Variants in PDSS1 observed in about 807,000 individuals in gnomAD.
PDSS1 encodes the protein all trans-polyprenyl-diphosphate synthase PDSS1.
PDSS1 carries 43 observed loss-of-function variants against 57.5 expected under a neutral mutation model. That is an observed-to-expected ratio of 0.75 (90% CI 0.59 to 0.96). PDSS1 has a LOEUF of 0.96. PDSS1 is among the 50% of genes least tolerant of loss of function. The probability of loss-of-function intolerance (pLI) is 0.00; values close to 1 mark genes in which losing one functional copy is unlikely to be tolerated. For synonymous variants in PDSS1, 175 were observed against 191.3 expected, an observed-to-expected ratio of 0.91 and a Z score of 0.70; for missense variants, 438 against 527.8, an observed-to-expected ratio of 0.83 and a Z score of 1.67.
intron 8 of PDSS1, among the ~76,000 whole-genome samples, chr10:26,729,904 C>CTTTTTTT (rs71403886): frequency 2.7e-5 from 2 of 75,334 alleles, no homozygotes; most frequent in African/African-American, 5.3e-5. Flanking sequence ...TAGTTGGTTC[C>CTTTTTTT]TTTTTTTTTT....
chr10:26,698,168 T>C (rs986001638), intron 1 of PDSS1, among the ~76,000 whole-genome samples: 2 of 87,920 alleles, frequency 2.3e-5, no homozygotes, highest in Non-Finnish European at 5.7e-5. Context: ...CGCTGCTATA[T>C]GGACAAGGTT....
chr10:26,726,503 C>G (rs1363195075), intron 8 of PDSS1, among the ~76,000 whole-genome samples: 2 of 152,012 alleles, frequency 1.3e-5, no homozygotes, highest in Non-Finnish European at 2.9e-5. Flanking sequence ...AAATGCAAAG[C>G]CATGCGAGCT....
At position 26,727,053 on chromosome 10, in the gene PDSS1, G is replaced by C. The variant is rs188320189; in HGVS notation, c.831+2930G>C. ...TTCCAGCCTGGGCAATAGAGCGAGA[G>C]TCTCTCAAAAAAAAAACAAACAAAC... On this transcript the variant is annotated intron_variant, in intron 8 of 11. Transcript: ENST00000376215. Among the ~76,000 whole-genome samples, 332 of 102,978 alleles carry C rather than the reference G, an allele frequency of 3.2e-3. 1 individual carries two copies. Among genetic ancestry groups the C allele is most frequent in the African/African-American group, 0.012 (309 of 26,758 alleles). The allele number at this position is 102,978 out of a possible 152,430, so 67.6% of individuals were successfully genotyped here.
chr10:26,724,713 G>A (rs777972664), intron 8 of PDSS1, among the ~76,000 whole-genome samples: 1 of 152,046 alleles, frequency 6.6e-6, no homozygotes, highest in African/African-American at 2.4e-5. Context: ...TAGTAGCTGG[G>A]ACCACAGGTG....
At chr10:26,705,564 C>T (rs947231895) in intron 4 of PDSS1, among the ~76,000 whole-genome samples, 170 bp downstream of exon 4, 2 of 152,158 alleles carry the variant, frequency 1.3e-5, no homozygotes, top group Admixed American at 6.5e-5. Flanking sequence ...ACCCTTGCCT[C>T]CCAGGTTCAT....
chr10:26,715,647 T>G (rs1835547289), intron 5 of PDSS1: 1 of 151,954 alleles, frequency 6.6e-6, no homozygotes, highest in Non-Finnish European at 1.5e-5. Flanking sequence ...TCCGCCTGTC[T>G]CCCCCTCCCA....
At chr10:26,733,217 G>T (rs139502510) in intron 8 of PDSS1, among the ~76,000 whole-genome samples, 2 of 152,230 alleles carry the variant, frequency 1.3e-5, no homozygotes, top group East Asian at 3.9e-4. Flanking sequence ...TTATTTCTAC[G>T]TGGAAATATC....
intron 4 of PDSS1, 25 bp from the exon 5 acceptor site, chr10:26,709,613 G>C (rs1255829817): frequency 5.0e-6 from 8 of 1,610,944 alleles, no homozygotes; most frequent in Non-Finnish European, 6.8e-6. Context: ...TGATGCCATT[G>C]TGACACAGAG....
intron 11 of PDSS1, 86 bp downstream of exon 11, chr10:26,742,663 T>C (rs996736451): frequency 1.0e-4 from 79 of 779,254 alleles, no homozygotes; most frequent in Non-Finnish European, 1.5e-4. Flanking sequence ...TAACTAAACA[T>C]TAAATTATAG....
At chr10:26,709,039 T>C (rs1169004662) in intron 4 of PDSS1, among the ~76,000 whole-genome samples, 1 of 152,078 alleles carries the variant, frequency 6.6e-6, no homozygotes, top group African/African-American at 2.4e-5. Context: ...TAGTGCTTTC[T>C]TCCACCTCCT....
At chr10:26,706,153 C>T (rs1213008664) in intron 4 of PDSS1, among the ~76,000 whole-genome samples, 1 of 152,192 alleles carries the variant, frequency 6.6e-6, no homozygotes, top group East Asian at 1.9e-4. Flanking sequence ...CCTGTAATCC[C>T]ACCAATTTAG....
Position 26,704,083 on chromosome 10 carries a change from C to CAAAAAAAAA in PDSS1, c.163-583_163-575dup, listed in dbSNP as rs1203931422. 1.3e-3 allele frequency among the ~76,000 whole-genome samples: 41 copies of CAAAAAAAAA among 31,064 alleles called. 8 individuals are homozygous for CAAAAAAAAA. In the East Asian group the frequency reaches 0.022, roughly 17 times the overall value. The allele number at this position is 31,064 out of a possible 152,430, so 20.4% of individuals were successfully genotyped here. A position where few individuals can be genotyped will look rare whatever the true frequency, so the allele number is the denominator to read the frequency against. On this transcript the variant is annotated intron_variant, in intron 2 of 11. Transcript: ENST00000376215. Reference sequence around the variant, plus strand: ...GACGACAGAACGAGACTCCGTCTCACAAAAAAAAAAAAAAAAAAATATGGC... The same window carrying CAAAAAAAAA: ...GACGACAGAACGAGACTCCGTCTCACAAAAAAAAAAAAAAAAAAAAAAAAAAAATATGGC...
chr10:26,740,505 T>C (rs916288224), intron 10 of PDSS1: 1 of 407,726 alleles, frequency 2.5e-6, no homozygotes, highest in Non-Finnish European at 4.9e-6. Context: ...AGCTTTGTTC[T>C]GACACATATT....
At chr10:26,741,603 T>C (rs934836829) in intron 10 of PDSS1, among the ~76,000 whole-genome samples, 26 of 152,236 alleles carry the variant, frequency 1.7e-4, no homozygotes, top group Non-Finnish European at 2.9e-5. Flanking sequence ...GGCAGAGCTC[T>C]GCACATAATG....
chr10:26,742,375 A>G, intron 10 of PDSS1, 122 bp from the exon 11 acceptor site: 2 of 755,350 alleles, frequency 2.6e-6, no homozygotes, highest in Non-Finnish European at 4.6e-6. Context: ...CATCATCTAG[A>G]CACTTAGTTT....
chr10:26,704,752 A>G lies in PDSS1; in HGVS notation c.227+11A>G, dbSNP rs1183163336. On this transcript the variant is annotated intron_variant, in intron 3 of 11. Coordinates refer to ENST00000376215, the MANE Select transcript of PDSS1 (RefSeq NM_014317.5). ...ATGTCGTATATCACGGTAAGTTTAC[A>G]GTCCATACTGCAACTACTAAAATTA... 9 of 1,329,510 alleles carry G rather than the reference A, an allele frequency of 6.8e-6. No individual in the cohort carries two copies. Among genetic ancestry groups the G allele is most frequent in the African/African-American group, 1.4e-5 (1 of 69,514 alleles). 82.4% of individuals were successfully genotyped at this position (1,329,510 alleles called of 1,614,324 possible). A position where few individuals can be genotyped will look rare whatever the true frequency, so the allele number is the denominator to read the frequency against.
intron 10 of PDSS1, among the ~76,000 whole-genome samples, chr10:26,735,835 C>G (rs113382183): frequency 6.6e-6 from 1 of 152,136 alleles, no homozygotes; most frequent in Non-Finnish European, 1.5e-5. Flanking sequence ...AGCTAAGATC[C>G]TATTTGAGAT....
At chr10:26,709,824 CG>C (rs1373133926) in intron 5 of PDSS1, 56 bp downstream of exon 5, 1 of 1,560,440 alleles carries the variant, frequency 6.4e-7, no homozygotes, top group Non-Finnish European at 8.8e-7. Context: ...TCTTTCTTCC[CG>C]GGGTTACTTA....
chr10:26,737,700 G>C (rs1261396629), intron 10 of PDSS1, among the ~76,000 whole-genome samples: 1 of 137,600 alleles, frequency 7.3e-6, no homozygotes, highest in Non-Finnish European at 1.5e-5. Context: ...TCCAGCCTGG[G>C]TGACAGAGTG....
Sources: gnomAD v4.1 joint callset for allele counts (sites outside exome capture counted in the v4.1 genomes callset) on GRCh38, gnomAD v4.1.1 for gene constraint, MANE v1.5 for transcripts, NCBI Gene and HGNC (gene_info 2026-07-23, HGNC 2026-07-21) for gene names.